Variants in UTP25 observed in about 807,000 individuals in gnomAD.
The protein encoded by UTP25 is UTP25 small subunit processome component.
A neutral mutation model predicts 78.9 loss-of-function variants in UTP25; 50 were observed. The observed-to-expected ratio is 0.63, with a 90% confidence interval of 0.50 to 0.80. The LOEUF (loss-of-function observed/expected upper bound fraction) is 0.80. Among genes scored for constraint, UTP25 ranks in the 30% least tolerant of loss-of-function variants. The probability of loss-of-function intolerance (pLI) is 0.00; values close to 1 mark genes in which losing one functional copy is unlikely to be tolerated. For synonymous variants in UTP25, 329 were observed against 336.5 expected (o/e 0.98, Z 0.24); for missense variants, 846 against 911.3 (o/e 0.93, Z 0.92).
At chr1:209,849,264 G>A (rs2078216190) in intron 11 of UTP25, among the ~76,000 whole-genome samples, 1 of 152,144 alleles carries the variant, frequency 6.6e-6, no homozygotes, top group Non-Finnish European at 1.5e-5. Context: ...TATCTGTGAG[G>A]GATCTTTGTG....
intron 3 of UTP25, 124 bp from the exon 4 acceptor site, chr1:209,833,061 A>G (rs780007753): frequency 2.1e-6 from 2 of 945,304 alleles, no homozygotes; most frequent in Non-Finnish European, 3.0e-6. Flanking sequence ...TTCTACCTGA[A>G]TTTACCTAAA....
intron 11 of UTP25, among the ~76,000 whole-genome samples, chr1:209,848,135 G>A (rs2078208953): frequency 6.6e-6 from 1 of 152,286 alleles, no homozygotes; most frequent in South Asian, 2.1e-4. Flanking sequence ...CAGTGTCTGG[G>A]ATGGGGACCA....
At position 209,855,312 on chromosome 1, in the gene UTP25, C is replaced by T. The variant is rs904276551; in HGVS notation, c.*3865C>T. 1 of 152,316 alleles carries T rather than the reference C, an allele frequency of 6.6e-6. No homozygotes were observed. Among genetic ancestry groups the T allele is most frequent in the Non-Finnish European group, 1.5e-5 (1 of 68,112 alleles). 9.4% of individuals were successfully genotyped at this position (152,316 alleles called of 1,614,324 possible). A position where few individuals can be genotyped will look rare whatever the true frequency, so the allele number is the denominator to read the frequency against. ...GTTTCCCTTCTGTGAGGACCTTCCCCTCCTCAGATGTGGGGAGTTGCCGCC... is the reference window on the plus strand; with the variant it reads ...GTTTCCCTTCTGTGAGGACCTTCCCTTCCTCAGATGTGGGGAGTTGCCGCC... On this transcript the variant is annotated 3_prime_UTR_variant, in exon 12 of 12. Transcript: ENST00000491415.
At chr1:209,839,494 G>A (rs1318370687) in intron 7 of UTP25, among the ~76,000 whole-genome samples, 1 of 152,174 alleles carries the variant, frequency 6.6e-6, no homozygotes. Context: ...GTCATTCTGG[G>A]GAGGCTGAAT....
In UTP25 at chr1:209,843,510, C is replaced by T. The variant is rs373052904; in HGVS notation, c.1841C>T (p.Thr614Met). The change falls in exon 11 of 12, where the codon ACG (threonine) becomes ATG (methionine). Residue 614 changes from threonine (T) to methionine (M), a missense_variant. Thr to Met is a moderately conservative substitution (Grantham distance 81). Coordinates refer to ENST00000491415, the MANE Select transcript of UTP25 (RefSeq NM_014388.7). ...PQYRDAVMSH[T>M]LIYIPSYFDF... ...TATCGTGATGCAGTCATGTCTCACA[C>T]GCTCATCTATATCCCCTCCTACTTT... The T allele has an allele frequency of 3.3e-5, 54 of 1,614,022 alleles. No homozygotes were observed. The highest frequency in any genetic ancestry group is 8.3e-5 in the Admixed American group (5 of 60,010).
chr1:209,841,716 G>T (rs2078167882), intron 8 of UTP25, among the ~76,000 whole-genome samples: 2 of 152,020 alleles, frequency 1.3e-5, no homozygotes, highest in South Asian at 4.1e-4. Context: ...AGGAAGTTTG[G>T]GACAAATGAA....
rs573850833 is a variant in UTP25, at chr1:209,850,084, T to G, written c.2028-1120T>G. On this transcript the variant is annotated intron_variant, in intron 11 of 11. Transcript: ENST00000491415. ...CACCACCTAATTCAGGTTACCTGAT[T>G]GCTTCATGATGGTAGCTCTTTGGGC... 1.4e-4 allele frequency among the ~76,000 whole-genome samples: 21 copies of G among 152,352 alleles called. No individual in the cohort carries two copies. In the South Asian group the frequency reaches 3.5e-3, roughly 26 times the overall value.
chr1:209,843,631 A>G lies in UTP25; in HGVS notation c.1962A>G (p.Arg654=). 1 of 1,614,184 alleles carries G rather than the reference A, an allele frequency of 6.2e-7. No homozygotes were observed. The highest frequency in any genetic ancestry group is 1.1e-5 in the South Asian group (1 of 91,088). The change falls in exon 11 of 12, where the codon AGA becomes AGG. Residue 654 remains arginine (R), a synonymous_variant. Transcript: ENST00000491415. ...YTQKSGVSRA[R]HFFLQGEKQF... ...AGAAGTCTGGTGTCTCCAGGGCCAG[A>G]CACTTCTTCCTTCAAGGAGAGAAAC... is the stretch of plus-strand genomic sequence containing the variant.
At chr1:209,845,144 C>T (rs143687827) in intron 11 of UTP25, among the ~76,000 whole-genome samples, 10 of 152,328 alleles carry the variant, frequency 6.6e-5, no homozygotes, top group African/African-American at 2.2e-4. Flanking sequence ...AGCAGCTTGC[C>T]TAGGCATAGC....
rs761244232 is a variant in UTP25, at chr1:209,830,933, A to G, written c.278A>G (p.Glu93Gly). The change falls in exon 3 of 12, where the codon GAA becomes GGA. Residue 93 changes from glutamate (E) to glycine (G), a missense_variant. By Grantham distance (98) the Glu-to-Gly change is moderately conservative. Transcript: ENST00000491415. The part of the protein sequence containing the change: ...SEEEEEDEEE[E>G]EEEDSIVDDA... ...GAAGAAGAGGAAGATGAGGAGGAGG[A>G]AGAGGAAGAAGACAGTATTGTAGAT... 69 of 1,613,642 alleles carry G rather than the reference A, an allele frequency of 4.3e-5. No individual in the cohort carries two copies. Among genetic ancestry groups the G allele is most frequent in the Non-Finnish European group, 5.8e-5 (68 of 1,179,656 alleles).
intron 6 of UTP25, among the ~76,000 whole-genome samples, chr1:209,837,511 G>A (rs1193696059): frequency 2.0e-5 from 3 of 152,136 alleles, no homozygotes; most frequent in Non-Finnish European, 4.4e-5. Flanking sequence ...TCTTCTTTGT[G>A]GTTGTCAAAG....
In UTP25 at chr1:209,843,470, A is replaced by G; in HGVS notation, c.1801A>G (p.Lys601Glu). 2 of 1,614,004 alleles carry G rather than the reference A, an allele frequency of 1.2e-6. No individual in the cohort carries two copies. Among genetic ancestry groups the G allele is most frequent in the Non-Finnish European group, 1.7e-6 (2 of 1,179,928 alleles). The change falls in exon 11 of 12, where the codon AAG becomes GAG. Residue 601 changes from lysine (K) to glutamate (E), a missense_variant. Lys to Glu is a moderately conservative substitution (Grantham distance 56). Transcript: ENST00000491415. The part of the protein sequence containing the change: ...IDARFNFFVN[K>E]ILPQYRDAVM... ...AATCAGGTTTAACTTTTTTGTGAAC[A>G]AGATTTTGCCACAGTATCGTGATGC...
At chr1:209,843,227 G>A in intron 10 of UTP25, 2 of 577,960 alleles carry the variant, frequency 3.5e-6, no homozygotes, top group Non-Finnish European at 6.1e-6. Context: ...GGATATAATG[G>A]TATTACATCT....
chr1:209,837,002 A>G lies in UTP25; in HGVS notation c.853A>G (p.Ile285Val), dbSNP rs764773052. The G allele has an allele frequency of 1.9e-6, 3 of 1,614,142 alleles. No individual in the cohort carries two copies. Among genetic ancestry groups the G allele is most frequent in the South Asian group, 2.2e-5 (2 of 91,086 alleles). Residue 285 changes from isoleucine to valine, a missense_variant, in exon 6 of 12, where the codon ATT (isoleucine) becomes GTT (valine). Transcript: ENST00000491415. ...FTPLQKELFL[I>V]MNSYRDLFYP... ...CCCCCTCCAGAAAGAACTCTTCTTA[A>G]TTATGAATTCTTACCGGGACCTGTT...
At position 209,841,031 on chromosome 1, in the gene UTP25, G is replaced by C. The variant is rs377640281; in HGVS notation, c.1461G>C (p.Leu487=). ...TCATTGATCAAGCTGACATTTACCT[G>C]ATGCAGAACTGGGAGCATGTCCTGG... The part of the protein sequence containing the change: ...LLIIDQADIY[L]MQNWEHVLHL... The change falls in exon 8 of 12, where the codon CTG becomes CTC. Residue 487 remains leucine (L), a synonymous_variant. Coordinates refer to ENST00000491415, the MANE Select transcript of UTP25 (RefSeq NM_014388.7). 1.9e-6 allele frequency: 3 copies of C among 1,613,908 alleles called. No individual in the cohort carries two copies. In the African/African-American group the frequency reaches 4.0e-5, roughly 22 times the overall value.
At position 209,840,993 on chromosome 1, in the gene UTP25, A is replaced by G. The variant is rs746009313; in HGVS notation, c.1423A>G (p.Ile475Val). 4.0e-5 allele frequency: 64 copies of G among 1,614,018 alleles called. No homozygotes were observed. The highest frequency in any genetic ancestry group is 1.6e-4 in the Middle Eastern group (1 of 6,072). The part of the protein sequence containing the change: ...KKRDFDFLSS[I>V]ELLIIDQADI... ...GAGAGATTTTGACTTTCTGTCTTCT[A>G]TCGAGCTTCTCATCATTGATCAAGC... is the stretch of plus-strand genomic sequence containing the variant. Residue 475 changes from isoleucine (I) to valine (V), a missense_variant, in exon 8 of 12, where the codon ATC (isoleucine) becomes GTC (valine). By Grantham distance (29) the Ile-to-Val change is conservative. Transcript: ENST00000491415.
rs141542142 is a variant in UTP25 at position 209,856,747 on chromosome 1, C to T, written c.*5300C>T. On this transcript the variant is annotated 3_prime_UTR_variant, in exon 12 of 12. Transcript: ENST00000491415. ...TTCTTGGCAAGCACCAACATTGAGACTGTACTTCAGGGTTGATGCTGGCCA... is the reference window on the plus strand; with the variant it reads ...TTCTTGGCAAGCACCAACATTGAGATTGTACTTCAGGGTTGATGCTGGCCA... 6.6e-6 allele frequency: 1 copy of T among 152,238 alleles called. No individual in the cohort carries two copies. Among genetic ancestry groups the T allele is most frequent in the African/African-American group, 2.4e-5 (1 of 41,446 alleles). The allele number at this position is 152,238 out of a possible 1,614,324, so 9.4% of individuals were successfully genotyped here.
Position 209,843,571 on chromosome 1 carries a change from G to A in UTP25, c.1902G>A (p.Glu634=). ...GTCTTCGAAATTACTTCAAGAAGGAGGAATTGAATTTTACCCACATCTGCG... is the reference window on the plus strand; with the variant it reads ...GTCTTCGAAATTACTTCAAGAAGGAAGAATTGAATTTTACCCACATCTGCG... ...FVRLRNYFKK[E]ELNFTHICEY... Residue 634 remains glutamate, a synonymous_variant, in exon 11 of 12, where the codon GAG becomes GAA. Transcript: ENST00000491415. The A allele has an allele frequency of 1.2e-6, 2 of 1,614,172 alleles. No homozygotes were observed. The highest frequency in any genetic ancestry group is 1.7e-6 in the Non-Finnish European group (2 of 1,180,022).
chr1:209,830,693 A>G, intron 2 of UTP25, 110 bp from the exon 3 acceptor site: 1 of 1,460,362 alleles, frequency 6.8e-7, no homozygotes. Context: ...AGCAATTTTA[A>G]GTAAATTTGA....
Sources: allele counts gnomAD v4.1 joint callset (sites outside exome capture counted in the v4.1 genomes callset), GRCh38; gene constraint gnomAD v4.1.1; transcripts MANE v1.5; gene names NCBI Gene and HGNC (gene_info 2026-07-23, HGNC 2026-07-21).